The following SORBS2 variants were observed in gnomAD, a reference collection of about 807,000 sequenced individuals.
The protein encoded by SORBS2 is sorbin and SH3 domain containing 2, also known as sorbin and SH3 domain-containing protein 2.
Under a neutral mutation model 97.7 loss-of-function variants are expected in SORBS2, and 46 were observed. That is an observed-to-expected ratio of 0.47 (90% CI 0.37 to 0.60). The LOEUF is 0.60. SORBS2 is among the 20% of genes least tolerant of loss of function. The pLI, the probability that SORBS2 is intolerant of heterozygous loss-of-function variation, is 0.00. For synonymous variants in SORBS2, 476 were observed against 473.4 expected, an observed-to-expected ratio of 1.01 and a Z score of -0.07; for missense variants, 1,316 against 1,282.3, an observed-to-expected ratio of 1.03 and a Z score of -0.40.
chr4:185,858,954 C>T (rs1422968896), intron 1 of SORBS2, among the ~76,000 whole-genome samples: 1 of 152,128 alleles, frequency 6.6e-6, no homozygotes, highest in Non-Finnish European at 1.5e-5. Context: ...TTATTAGTTC[C>T]TGTAAAACCT....
At chr4:185,586,173 A>T (rs530229853) in exon 15 of SORBS2, 3 of 152,800 alleles carry the variant, frequency 2.0e-5, no homozygotes, top group African/African-American at 7.2e-5. Context: ...GAGATGCCAT[A>T]AAAAGTTTTA....
In SORBS2 at chr4:185,637,928, T is replaced by C. The variant is rs2097050396; in HGVS notation, c.397-7330A>G. The C allele has an allele frequency of 6.9e-6, 4 of 577,614 alleles. No individual in the cohort carries two copies. In the East Asian group the frequency reaches 1.1e-4, roughly 16 times the overall value. The allele number at this position is 577,614 out of a possible 1,614,324, so 35.8% of individuals were successfully genotyped here. On this transcript the variant is annotated intron_variant, in intron 4 of 14. Transcript: ENST00000418609. ...CACATTTGACCATTTGGTACAGAAA[T>C]GAATCTGGACTACGCTGTACCAAGT...
intron 1 of SORBS2, among the ~76,000 whole-genome samples, chr4:185,779,656 TC>T (rs1241744669): frequency 1.3e-5 from 2 of 152,220 alleles, no homozygotes; most frequent in Non-Finnish European, 2.9e-5. Flanking sequence ...AATGTAGTTT[TC>T]CCATGAGTAT....
chr4:185,903,559 T>C, intron 1 of SORBS2, among the ~76,000 whole-genome samples: 1 of 152,194 alleles, frequency 6.6e-6, no homozygotes, highest in Non-Finnish European at 1.5e-5. Flanking sequence ...CTCTGATACC[T>C]GCTTGTCTAG....
intron 2 of SORBS2, among the ~76,000 whole-genome samples, chr4:185,767,209 A>G (rs1489612620): frequency 1.3e-5 from 2 of 152,100 alleles, no homozygotes; most frequent in Non-Finnish European, 2.9e-5. Context: ...ATTGAAAATG[A>G]AAGAGCTGGC....
At chr4:185,840,607 G>A (rs1020280814) in intron 1 of SORBS2, among the ~76,000 whole-genome samples, 10 of 152,118 alleles carry the variant, frequency 6.6e-5, no homozygotes, top group African/African-American at 2.4e-4. Context: ...AAATACCAGC[G>A]ATGATCTCTG....
chr4:185,734,938 A>C (rs1261975208), intron 2 of SORBS2, among the ~76,000 whole-genome samples: 14 of 152,148 alleles, frequency 9.2e-5, no homozygotes, highest in Non-Finnish European at 1.5e-5. Flanking sequence ...GACTCTTTTC[A>C]CTATTGGAAT....
upstream of SORBS2, among the ~76,000 whole-genome samples, chr4:185,661,514 G>A (rs973472212): frequency 6.6e-6 from 1 of 152,100 alleles, no homozygotes; most frequent in Non-Finnish European, 1.5e-5. Flanking sequence ...GGTTGAGAAC[G>A]ATTGCTCTAT....
intron 2 of SORBS2, among the ~76,000 whole-genome samples, chr4:185,722,350 T>C (rs1194158825): frequency 6.6e-6 from 1 of 152,260 alleles, no homozygotes; most frequent in Non-Finnish European, 1.5e-5. Flanking sequence ...TCTAATTAGC[T>C]ATGATAAATT....
chr4:185,924,645 G>A (rs1387060172), intron 1 of SORBS2, among the ~76,000 whole-genome samples: 6 of 152,148 alleles, frequency 3.9e-5, no homozygotes, highest in Non-Finnish European at 5.9e-5. Context: ...TAGGGTGGGA[G>A]GGCCAGTTAT....
In SORBS2 at chr4:185,770,273, A is replaced by C. The variant is rs570532959; in HGVS notation, c.-198+4954T>G. 2.0e-5 allele frequency among the ~76,000 whole-genome samples: 3 copies of C among 152,220 alleles called. No homozygotes were observed. The South Asian group carries it at 6.2e-4, about 32-fold the overall frequency. On this transcript the variant is annotated intron_variant, in intron 2 of 20. Coordinates refer to the SORBS2 transcript ENST00000284776. ...CATTAACAGCGATTTTTGTCTTAGA[A>C]GTCTCTCTTTGAGTTTCTAAATGGA...
At chr4:185,788,847 G>A (rs963293437) in intron 1 of SORBS2, among the ~76,000 whole-genome samples, 33 of 152,276 alleles carry the variant, frequency 2.2e-4, no homozygotes, top group Middle Eastern at 3.4e-3. Context: ...CTCTGTTTTC[G>A]TGTTACAGAT....
intron 2 of SORBS2, among the ~76,000 whole-genome samples, chr4:185,756,433 A>G (rs1033340545): frequency 2.6e-5 from 4 of 152,222 alleles, no homozygotes; most frequent in African/African-American, 9.6e-5. Context: ...TCTTGGTTCT[A>G]GGTAACTCAT....
chr4:185,660,334 A>T (rs1392147873), upstream of SORBS2, among the ~76,000 whole-genome samples: 6 of 152,192 alleles, frequency 3.9e-5, no homozygotes, highest in Admixed American at 6.5e-5. Context: ...TTTACTTTAT[A>T]TGTGTGTAAA....
At chr4:185,877,227 T>A (rs1036264554) in intron 1 of SORBS2, among the ~76,000 whole-genome samples, 6 of 152,194 alleles carry the variant, frequency 3.9e-5, no homozygotes, top group Non-Finnish European at 8.8e-5. Context: ...AACCTATTAT[T>A]ATAATTTACC....
At chr4:185,649,483 G>A (rs768386626) in exon 3 of SORBS2, 9 of 1,586,242 alleles carry the variant, frequency 5.7e-6, no homozygotes, top group South Asian at 4.6e-5. Context: ...GTTGAAGACC[G>A]ATCTCTTGGT....
intron 2 of SORBS2, among the ~76,000 whole-genome samples, chr4:185,734,760 G>T (rs1463031561): frequency 6.6e-6 from 1 of 152,016 alleles, no homozygotes; most frequent in African/African-American, 2.4e-5. Flanking sequence ...CTCCCAAAAT[G>T]CTCTCTCTCT....
rs117177390 is a variant in SORBS2, at chr4:185,835,747, A to T, written c.-337-60381T>A. On this transcript the variant is annotated intron_variant, in intron 1 of 20. Transcript: ENST00000284776. Reference sequence around the variant, plus strand: ...GCCAGTTTATCTCCTCTCAGCAACCAACATGATGGGACTGGAGCCAACACT... The same window carrying T: ...GCCAGTTTATCTCCTCTCAGCAACCTACATGATGGGACTGGAGCCAACACT... Among the ~76,000 whole-genome samples, 86 of 151,102 alleles carry T rather than the reference A, an allele frequency of 5.7e-4. No homozygotes were observed. The East Asian group carries it at 0.012, about 21-fold the overall frequency.
chr4:185,936,328 T>C (rs1003133897), intron 1 of SORBS2, among the ~76,000 whole-genome samples: 4 of 152,208 alleles, frequency 2.6e-5, no homozygotes, highest in East Asian at 1.9e-4. Context: ...GCAACAAATA[T>C]TTATTGATGG....
Sources: gnomAD v4.1 joint callset for allele counts (sites outside exome capture counted in the v4.1 genomes callset) on GRCh38, gnomAD v4.1.1 for gene constraint, MANE v1.5 for transcripts, NCBI Gene and HGNC (gene_info 2026-07-23, HGNC 2026-07-21) for gene names.